ANK3: variants seen among roughly 807,000 people sequenced by gnomAD.
ANK3 encodes ankyrin-3.
ANK3 carries 57 observed loss-of-function variants against 370.9 expected under a neutral mutation model. That is an observed-to-expected ratio of 0.15 (90% CI 0.12 to 0.19). The LOEUF (loss-of-function observed/expected upper bound fraction) is 0.19. ANK3 is among the 10% of genes least tolerant of loss of function. The probability of loss-of-function intolerance (pLI) is 1.00; values close to 1 mark genes in which losing one functional copy is unlikely to be tolerated. For synonymous variants in ANK3, 1,929 were observed against 1,946.3 expected, an observed-to-expected ratio of 0.99 and a Z score of 0.23; for missense variants, 4,439 against 5,302.1, an observed-to-expected ratio of 0.84 and a Z score of 5.06.
intron 1 of ANK3, among the ~76,000 whole-genome samples, chr10:60,297,666 C>G: frequency 6.6e-6 from 1 of 152,054 alleles, no homozygotes; most frequent in East Asian, 1.9e-4. Context: ...AAAGATATCT[C>G]ATTATATTGT....
chr10:60,282,155 T>G (rs1279533311), intron 1 of ANK3, among the ~76,000 whole-genome samples: 2 of 152,152 alleles, frequency 1.3e-5, no homozygotes, highest in African/African-American at 4.8e-5. Flanking sequence ...TGGGAACAAA[T>G]GACATCAGTC....
At chr10:60,336,090 C>CGGGGTG (rs1555307586) in intron 1 of ANK3, among the ~76,000 whole-genome samples, 2 of 148,694 alleles carry the variant, frequency 1.3e-5, no homozygotes, top group African/African-American at 5.1e-5. Context: ...CATAGTTTGG[C>CGGGGTG]GGGGGGGGGA....
intron 43 of ANK3, among the ~76,000 whole-genome samples, chr10:60,035,437 T>C (rs2074722669): frequency 6.6e-6 from 1 of 151,650 alleles, no homozygotes; most frequent in Non-Finnish European, 1.5e-5. Context: ...TTAGTAGAAA[T>C]GGGTGGGGTT....
chr10:60,503,438 G>C (rs2075857317), intron 2 of ANK3, among the ~76,000 whole-genome samples: 1 of 152,068 alleles, frequency 6.6e-6, no homozygotes, highest in South Asian at 2.1e-4. Context: ...ATAAGGCCAA[G>C]GTCTATTATT....
At chr10:60,038,610 G>A (rs775770294) in intron 43 of ANK3, among the ~76,000 whole-genome samples, 4 of 152,024 alleles carry the variant, frequency 2.6e-5, no homozygotes, top group Non-Finnish European at 4.4e-5. Flanking sequence ...GTCTAACATC[G>A]AGCATCTATA....
intron 1 of ANK3, among the ~76,000 whole-genome samples, chr10:60,348,347 C>CAAAAAAAAAAAA: frequency 1.5e-5 from 1 of 68,162 alleles, no homozygotes; most frequent in Non-Finnish European, 2.7e-5. Context: ...TATCACTAGC[C>CAAAAAAAAAAAA]AAAAAAAAAA....
intron 1 of ANK3, among the ~76,000 whole-genome samples, chr10:60,679,469 T>C (rs1772161519): frequency 6.6e-6 from 1 of 152,074 alleles, no homozygotes. Context: ...AGGAGTTGAG[T>C]GAGTAGGCTC....
chr10:60,210,454 G>A (rs186891099), intron 9 of ANK3, among the ~76,000 whole-genome samples: 3 of 152,134 alleles, frequency 2.0e-5, no homozygotes, highest in African/African-American at 4.8e-5. Context: ...GAACAAAGGC[G>A]TATTCTAGGA....
At chr10:60,472,992 C>A (rs1298112337) in intron 2 of ANK3, among the ~76,000 whole-genome samples, 1 of 152,124 alleles carries the variant, frequency 6.6e-6, no homozygotes, top group Non-Finnish European at 1.5e-5. Flanking sequence ...TCCCCACAGG[C>A]AGCTCTAAGG....
At chr10:60,333,257 G>A (rs778019760) in intron 1 of ANK3, among the ~76,000 whole-genome samples, 10 of 151,904 alleles carry the variant, frequency 6.6e-5, no homozygotes, top group South Asian at 2.1e-4. Context: ...CCATCAACCC[G>A]TCATCTACAT....
intron 37 of ANK3, 137 bp from the exon 38 acceptor site, chr10:60,068,146 T>A (rs961036437): frequency 2.9e-6 from 2 of 692,342 alleles, no homozygotes; most frequent in Non-Finnish European, 4.8e-6. Flanking sequence ...GTCACCTACA[T>A]GAACACTTCT....
chr10:60,062,497 C>G (rs1018914148), intron 40 of ANK3: 1 of 152,146 alleles, frequency 6.6e-6, no homozygotes, highest in Non-Finnish European at 1.5e-5. Flanking sequence ...AGAAATTATG[C>G]TGCCTTTGAT....
intron 1 of ANK3, among the ~76,000 whole-genome samples, chr10:60,732,889 A>G (rs1433568638): frequency 6.6e-6 from 1 of 151,868 alleles, no homozygotes; most frequent in Non-Finnish European, 1.5e-5. Context: ...CCAAGAGCAG[A>G]GAAGCCCCAA....
intron 24 of ANK3, among the ~76,000 whole-genome samples, chr10:60,136,444 A>G (rs1310008631): frequency 6.6e-6 from 1 of 152,172 alleles, no homozygotes; most frequent in Admixed American, 6.6e-5. Flanking sequence ...CACTCTCTGC[A>G]TTAGACATTC....
intron 23 of ANK3, among the ~76,000 whole-genome samples, chr10:60,145,642 GA>G (rs1472507549): frequency 6.6e-6 from 1 of 152,072 alleles, no homozygotes; most frequent in Non-Finnish European, 1.5e-5. Flanking sequence ...TAGAGTGGTG[GA>G]ATAAATACTC....
chr10:60,609,812 T>A (rs998669881), intron 2 of ANK3, among the ~76,000 whole-genome samples: 1 of 152,184 alleles, frequency 6.6e-6, no homozygotes, highest in African/African-American at 2.4e-5. Flanking sequence ...AGCCTAACTT[T>A]AGCTTATCTT....
intron 1 of ANK3, among the ~76,000 whole-genome samples, chr10:60,369,226 C>T (rs1297663035): frequency 1.3e-5 from 2 of 152,184 alleles, no homozygotes; most frequent in African/African-American, 2.4e-5. Context: ...TGCACATTTA[C>T]ACGAAAGCTG....
chr10:60,581,788 T>C (rs1360919865), intron 2 of ANK3, among the ~76,000 whole-genome samples: 1 of 152,070 alleles, frequency 6.6e-6, no homozygotes, highest in African/African-American at 2.4e-5. Flanking sequence ...GATGAGTTGT[T>C]GGAATATATT....
chr10:60,234,930 A>G, intron 7 of ANK3, 144 bp from the exon 8 acceptor site: 1 of 561,394 alleles, frequency 1.8e-6, no homozygotes, highest in Admixed American at 2.8e-5. Context: ...AATACTTCTG[A>G]CAGGAATTTT....
Sources: allele counts gnomAD v4.1 joint callset (sites outside exome capture counted in the v4.1 genomes callset), GRCh38; gene constraint gnomAD v4.1.1; transcripts MANE v1.5; gene names NCBI Gene and HGNC (gene_info 2026-07-23, HGNC 2026-07-21).